MCC: variants seen among roughly 807,000 people sequenced by gnomAD.
MCC encodes the protein colorectal mutant cancer protein.
In MCC, 90 loss-of-function variants were observed where a neutral mutation model predicts 116.2. The ratio of observed to expected loss-of-function variants is 0.77; its 90% CI spans 0.65 to 0.92. The LOEUF is 0.92. Among genes scored for constraint, MCC ranks in the 40% least tolerant of loss-of-function variants. The pLI is 0.00. For synonymous variants in MCC, 578 were observed against 510.5 expected, an observed-to-expected ratio of 1.13 and a Z score of -1.78; for missense variants, 1,516 against 1,312.2, an observed-to-expected ratio of 1.16 and a Z score of -2.40.
intron 3 of MCC, among the ~76,000 whole-genome samples, chr5:113,261,209 T>C (rs1314981394): frequency 6.6e-6 from 1 of 152,170 alleles, no homozygotes; most frequent in African/African-American, 2.4e-5. Flanking sequence ...TAGCCTACAG[T>C]TGGGCAACAT....
At chr5:113,362,000 T>A (rs964183539) in intron 2 of MCC, among the ~76,000 whole-genome samples, 2 of 152,186 alleles carry the variant, frequency 1.3e-5, no homozygotes, top group African/African-American at 2.4e-5. Context: ...AGCTTATAGA[T>A]GGCATATTGT....
At chr5:113,178,133 G>A (rs1761432832) in intron 3 of MCC, among the ~76,000 whole-genome samples, 1 of 152,186 alleles carries the variant, frequency 6.6e-6, no homozygotes, top group Non-Finnish European at 1.5e-5. Context: ...GAAGGGAAGA[G>A]AAGCTGCAGA....
intron 14 of MCC, among the ~76,000 whole-genome samples, chr5:113,057,209 C>A (rs1752894209): frequency 6.6e-6 from 1 of 152,180 alleles, no homozygotes; most frequent in African/African-American, 2.4e-5. Context: ...CCAGGTCATG[C>A]AGCATTTTAT....
At chr5:113,251,862 G>C (rs1764817073) in intron 3 of MCC, among the ~76,000 whole-genome samples, 1 of 152,154 alleles carries the variant, frequency 6.6e-6, no homozygotes, top group Non-Finnish European at 1.5e-5. Context: ...AATTACTTCA[G>C]ATTGTTAGTC....
intron 5 of MCC, among the ~76,000 whole-genome samples, chr5:113,124,938 G>A (rs538686685): frequency 1.2e-4 from 19 of 152,308 alleles, no homozygotes; most frequent in Admixed American, 1.0e-3. Context: ...AGACCTCCTG[G>A]GTGGAGCAGC....
intron 3 of MCC, among the ~76,000 whole-genome samples, chr5:113,330,279 A>C (rs1767668263): frequency 6.6e-6 from 1 of 152,236 alleles, no homozygotes; most frequent in South Asian, 2.1e-4. Flanking sequence ...TTCCTGAATC[A>C]TTCTTTGCTC....
intron 3 of MCC, among the ~76,000 whole-genome samples, chr5:113,245,273 C>T (rs552725998): frequency 7.7e-4 from 105 of 137,072 alleles, no homozygotes; most frequent in South Asian, 2.5e-3. Context: ...GCCTAGGCAA[C>T]GAGAGAAACT....
At chr5:113,138,059 C>T (rs944682229) in intron 5 of MCC, among the ~76,000 whole-genome samples, 1 of 151,466 alleles carries the variant, frequency 6.6e-6, no homozygotes, top group Non-Finnish European at 1.5e-5. Context: ...CTCTGTTACC[C>T]AGGCTGGAGT....
chr5:113,119,330 T>A (rs1018095477), intron 6 of MCC, among the ~76,000 whole-genome samples: 1 of 151,968 alleles, frequency 6.6e-6, no homozygotes, highest in African/African-American at 2.4e-5. Flanking sequence ...GGGAAGCAAG[T>A]GGCTGCCTGA....
chr5:113,437,962 A>G (rs1392087334), intron 1 of MCC, among the ~76,000 whole-genome samples: 1 of 152,168 alleles, frequency 6.6e-6, no homozygotes, highest in Non-Finnish European at 1.5e-5. Flanking sequence ...TTTGGATACC[A>G]TCCCATAGGT....
rs11377680 is a variant in MCC at position 113,135,558 on chromosome 5, CAAA to C, written c.884+7657_884+7659del. On this transcript the variant is annotated intron_variant, in intron 5 of 18. Transcript: ENST00000408903. ...TGGGTGACAGAGTGAGACTCTGTCT[CAAA>C]AAAAAAAAAAAAAAAAATTATTCTT... Among the ~76,000 whole-genome samples the C allele has an allele frequency of 5.2e-3, 532 of 102,614 alleles. 7 individuals are homozygous for C. Among genetic ancestry groups the C allele is most frequent in the Admixed American group, 0.022 (234 of 10,408 alleles). 67.3% of individuals were successfully genotyped at this position (102,614 alleles called of 152,430 possible).
At chr5:113,063,262 A>T (rs1753347275) in intron 14 of MCC, among the ~76,000 whole-genome samples, 1 of 152,190 alleles carries the variant, frequency 6.6e-6, no homozygotes, top group African/African-American at 2.4e-5. Flanking sequence ...AAGAAATGAG[A>T]AGGTAAGTAG....
rs182353779 is a variant in MCC at position 113,225,183 on chromosome 5, C to A, written c.628-73761G>T. Among the ~76,000 whole-genome samples, 14 of 152,350 alleles carry A rather than the reference C, an allele frequency of 9.2e-5. No homozygotes were observed. In the East Asian group the frequency reaches 2.5e-3, roughly 27 times the overall value. ...AGAGTCAAAGATGTCAACATCATAA[C>A]ACTAGTTCCGATCTGACTTCACGTA... On this transcript the variant is annotated intron_variant, in intron 3 of 18. Coordinates refer to ENST00000408903, the MANE Select transcript of MCC (RefSeq NM_001085377.2).
At chr5:113,354,902 T>C (rs984215043) in intron 2 of MCC, among the ~76,000 whole-genome samples, 2 of 151,740 alleles carry the variant, frequency 1.3e-5, no homozygotes, top group African/African-American at 4.8e-5. Flanking sequence ...TAGAAAAATA[T>C]TTAGAAAAAA....
intron 2 of MCC, among the ~76,000 whole-genome samples, chr5:113,349,044 G>A (rs1768202861): frequency 3.3e-5 from 5 of 151,954 alleles, no homozygotes; most frequent in Admixed American, 3.3e-4. Flanking sequence ...AAAAAATCAT[G>A]AGCGTGAAGC....
intron 3 of MCC, among the ~76,000 whole-genome samples, chr5:113,263,631 GC>G: frequency 6.6e-6 from 1 of 152,290 alleles, no homozygotes; most frequent in African/African-American, 2.4e-5. Context: ...TAATTTTACT[GC>G]AGGAATCTAC....
At chr5:113,114,509 C>T (rs1444376467) in intron 6 of MCC, among the ~76,000 whole-genome samples, 2 of 146,576 alleles carry the variant, frequency 1.4e-5, no homozygotes, top group East Asian at 4.3e-4. Context: ...AACCATGGCC[C>T]AAAGTGAGAA....
At position 113,049,312 on chromosome 5, in the gene MCC, G is replaced by C; in HGVS notation, c.2449-13C>G. 1.3e-6 allele frequency: 2 copies of C among 1,552,610 alleles called. No homozygotes were observed. Among genetic ancestry groups the C allele is most frequent in the Non-Finnish European group, 1.7e-6 (2 of 1,146,236 alleles). On this transcript the variant is annotated splice_polypyrimidine_tract_variant and intron_variant, in intron 15 of 18. Transcript: ENST00000408903. ...CGGCCATCTCCTCCTACAGACAAAG[G>C]AGCACAGAGCACATGAGGCATGCCC...
chr5:113,419,473 G>A (rs570263403), intron 1 of MCC, among the ~76,000 whole-genome samples: 4 of 151,770 alleles, frequency 2.6e-5, no homozygotes, highest in South Asian at 2.1e-4. Flanking sequence ...CTGGGATTAC[G>A]GGTGTAAGCC....
Sources: gnomAD v4.1 joint callset for allele counts (sites outside exome capture counted in the v4.1 genomes callset) on GRCh38, gnomAD v4.1.1 for gene constraint, MANE v1.5 for transcripts, NCBI Gene and HGNC (gene_info 2026-07-23, HGNC 2026-07-21) for gene names.